The following ZNF704 variants were observed in gnomAD, a reference collection of about 807,000 sequenced individuals.
ZNF704 encodes the protein glucocorticoid induced gene 1.
ZNF704 carries 10 observed loss-of-function variants against 44.7 expected under a neutral mutation model. The ratio of observed to expected loss-of-function variants is 0.22; its 90% CI spans 0.14 to 0.38. ZNF704 has a LOEUF of 0.38. Among genes scored for constraint, ZNF704 ranks in the 10% least tolerant of loss-of-function variants. ZNF704 has a pLI of 1.00. For missense variants in ZNF704, 390 were observed against 545.5 expected (o/e 0.71, Z 2.84); for synonymous variants, 211 against 207.6 (o/e 1.02, Z -0.14).
chr8:80,857,992 G>A (rs1808992392), intron 1 of ZNF704, among the ~76,000 whole-genome samples: 1 of 151,950 alleles, frequency 6.6e-6, no homozygotes, highest in South Asian at 2.1e-4. Flanking sequence ...GTTAACTTGA[G>A]TTCTTCAAGG....
At chr8:80,827,943 A>G (rs1174442392) in intron 1 of ZNF704, among the ~76,000 whole-genome samples, 4 of 152,252 alleles carry the variant, frequency 2.6e-5, no homozygotes, top group Admixed American at 6.5e-5. Flanking sequence ...AAAGACTTCA[A>G]TGTTAGACCT....
At position 80,633,025 on chromosome 8, in the gene ZNF704, T is replaced by G. The variant is rs1237060419; in HGVS notation, c.*8341A>C. ...ACTCAAGATGTTACACCTAGTAAAT[T>G]AACGGGAGAAAGGTAAGATGAAATC... is the stretch of plus-strand genomic sequence containing the variant. On this transcript the variant is annotated 3_prime_UTR_variant, in exon 9 of 9. Coordinates refer to ENST00000327835, the MANE Select transcript of ZNF704 (RefSeq NM_001033723.3). 2 of 152,160 alleles carry G rather than the reference T, an allele frequency of 1.3e-5. No individual in the cohort carries two copies. The highest frequency in any genetic ancestry group is 4.8e-5 in the African/African-American group (2 of 41,432). 9.4% of individuals were successfully genotyped at this position (152,160 alleles called of 1,614,324 possible).
intron 3 of ZNF704, 59 bp from the exon 4 acceptor site, chr8:80,687,517 T>TG (rs1818561187): frequency 7.7e-7 from 1 of 1,299,234 alleles, no homozygotes; most frequent in Non-Finnish European, 1.0e-6. Flanking sequence ...CATGGTTCAG[T>TG]GGGGAAATGG....
At chr8:80,866,922 G>A (rs1586086425) in intron 1 of ZNF704, among the ~76,000 whole-genome samples, 1 of 152,152 alleles carries the variant, frequency 6.6e-6, no homozygotes, top group Non-Finnish European at 1.5e-5. Context: ...TCCCTACTAG[G>A]AGGCAGGGGG....
chr8:80,810,440 C>T (rs1808062905), intron 2 of ZNF704, among the ~76,000 whole-genome samples: 1 of 152,086 alleles, frequency 6.6e-6, no homozygotes, highest in Admixed American at 6.5e-5. Context: ...TGTTGCACTT[C>T]CTAGTTTATA....
intron 2 of ZNF704, among the ~76,000 whole-genome samples, chr8:80,808,361 T>C (rs573683463): frequency 3.9e-5 from 6 of 152,238 alleles, no homozygotes; most frequent in Non-Finnish European, 8.8e-5. Context: ...AATGTGAAGA[T>C]GGATTTGAGG....
intron 2 of ZNF704, among the ~76,000 whole-genome samples, chr8:80,743,536 G>A (rs1449292577): frequency 2.0e-5 from 3 of 152,218 alleles, no homozygotes; most frequent in Admixed American, 6.5e-5. Context: ...AGAGAAGCAG[G>A]TGGGCTTCAG....
chr8:80,837,903 A>T (rs1808608466), intron 1 of ZNF704, among the ~76,000 whole-genome samples: 1 of 142,144 alleles, frequency 7.0e-6, no homozygotes, highest in Non-Finnish European at 1.5e-5. Flanking sequence ...AGAACAGAAC[A>T]TCTATCTTTG....
At chr8:80,655,018 A>T (rs1471108287) in intron 7 of ZNF704, among the ~76,000 whole-genome samples, 2 of 152,242 alleles carry the variant, frequency 1.3e-5, no homozygotes, top group African/African-American at 4.8e-5. Context: ...GCCATAAAAA[A>T]TGATGAGTTC....
chr8:80,637,085 G>A lies in ZNF704; in HGVS notation c.*4281C>T. On this transcript the variant is annotated 3_prime_UTR_variant, in exon 9 of 9. Coordinates refer to ENST00000327835, the MANE Select transcript of ZNF704 (RefSeq NM_001033723.3). ...CCCCACCCCCAGGCATTGCACCTGT[G>A]GTTCAAATGTTAGCCTTAGGCTACA... 1 of 143,126 alleles carries A rather than the reference G, an allele frequency of 7.0e-6. No individual in the cohort carries two copies. Among genetic ancestry groups the A allele is most frequent in the South Asian group, 2.2e-4 (1 of 4,452 alleles). The allele number at this position is 143,126 out of a possible 1,614,324, so 8.9% of individuals were successfully genotyped here.
At chr8:80,705,323 G>A (rs1485677686) in intron 2 of ZNF704, among the ~76,000 whole-genome samples, 7 of 152,080 alleles carry the variant, frequency 4.6e-5, no homozygotes, top group African/African-American at 1.7e-4. Context: ...CTATGTCTGT[G>A]TGGGTTGGTG....
chr8:80,876,349 T>G (rs1262935326), upstream of ZNF704, among the ~76,000 whole-genome samples: 3 of 152,226 alleles, frequency 2.0e-5, no homozygotes, highest in African/African-American at 7.2e-5. Context: ...CAGTATCAGC[T>G]AGAGTGTGCA....
upstream of ZNF704, among the ~76,000 whole-genome samples, chr8:80,877,124 A>G (rs557979128): frequency 1.3e-5 from 2 of 150,144 alleles, no homozygotes; most frequent in African/African-American, 2.5e-5. Context: ...GGCCACTTCA[A>G]TAGACTTCAT....
At chr8:80,642,933 A>G in intron 8 of ZNF704, 102 bp downstream of exon 8, 1 of 731,820 alleles carries the variant, frequency 1.4e-6, no homozygotes, top group East Asian at 3.3e-5. Flanking sequence ...TCAATTGTGG[A>G]GAAATTTTAT....
chr8:80,636,883 TA>T lies in ZNF704; in HGVS notation c.*4482del, dbSNP rs1269141219. 6.6e-6 allele frequency: 1 copy of T among 152,216 alleles called. No homozygotes were observed. Among genetic ancestry groups the T allele is most frequent in the Non-Finnish European group, 1.5e-5 (1 of 68,034 alleles). 9.4% of individuals were successfully genotyped at this position (152,216 alleles called of 1,614,324 possible). ...GGAAGTTTGTTCGCTAACATGCTAT[TA>T]AAGCAAAATGTACATCGTTCACGGC... On this transcript the variant is annotated 3_prime_UTR_variant, in exon 9 of 9. Transcript: ENST00000327835.
At position 80,640,430 on chromosome 8, in the gene ZNF704, C is replaced by A. The variant is rs763465047; in HGVS notation, c.*936G>T. ...TGGAGTCTGGAGAGAAGGAAAATGACCCATTAACCTGGCTACAATCTTGAC... is the reference window on the plus strand; with the variant it reads ...TGGAGTCTGGAGAGAAGGAAAATGAACCATTAACCTGGCTACAATCTTGAC... On this transcript the variant is annotated 3_prime_UTR_variant, in exon 9 of 9. Coordinates refer to ENST00000327835, the MANE Select transcript of ZNF704 (RefSeq NM_001033723.3). 9 of 152,660 alleles carry A rather than the reference C, an allele frequency of 5.9e-5. No individual in the cohort carries two copies. The highest frequency in any genetic ancestry group is 5.2e-4 in the Admixed American group (8 of 15,286). 9.5% of individuals were successfully genotyped at this position (152,660 alleles called of 1,614,324 possible). A position where few individuals can be genotyped will look rare whatever the true frequency, so the allele number is the denominator to read the frequency against.
chr8:80,656,390 G>C (rs1048307055), intron 7 of ZNF704, among the ~76,000 whole-genome samples: 25 of 152,186 alleles, frequency 1.6e-4, no homozygotes, highest in African/African-American at 5.3e-4. Flanking sequence ...GATTAATAAA[G>C]GGGCCAACGG....
intron 1 of ZNF704, among the ~76,000 whole-genome samples, chr8:80,868,342 A>C (rs1809192810): frequency 6.6e-6 from 1 of 152,232 alleles, no homozygotes; most frequent in African/African-American, 2.4e-5. Flanking sequence ...TTTAAAGCCC[A>C]CATTAGTATC....
chr8:80,672,108 G>A (rs1314068854), intron 4 of ZNF704, among the ~76,000 whole-genome samples: 1 of 151,982 alleles, frequency 6.6e-6, no homozygotes, highest in Non-Finnish European at 1.5e-5. Flanking sequence ...GTGGTCAAAG[G>A]ACATGAACAG....
Sources: allele counts gnomAD v4.1 joint callset (sites outside exome capture counted in the v4.1 genomes callset), GRCh38; gene constraint gnomAD v4.1.1; transcripts MANE v1.5; gene names NCBI Gene and HGNC (gene_info 2026-07-23, HGNC 2026-07-21).